RTN1: variants seen among roughly 807,000 people sequenced by gnomAD.
RTN1 encodes the protein reticulon 1.
Under a neutral mutation model 65.5 loss-of-function variants are expected in RTN1, and 25 were observed. The ratio of observed to expected loss-of-function variants is 0.38; its 90% confidence interval spans 0.28 to 0.53. The LOEUF is 0.53. RTN1 is among the 20% of genes least tolerant of loss of function. The pLI, the probability that RTN1 is intolerant of heterozygous loss-of-function variation, is 0.79. For synonymous variants in RTN1, 471 were observed against 447.6 expected, an observed-to-expected ratio of 1.05 and a Z score of -0.66; for missense variants, 983 against 1,025.4, an observed-to-expected ratio of 0.96 and a Z score of 0.57.
rs766153251 is a variant in RTN1 at position 59,607,519 on chromosome 14, C to T, written c.1766-27G>A. The T allele has an allele frequency of 1.9e-6, 3 of 1,571,274 alleles. No individual in the cohort carries two copies. The East Asian group carries it at 7.0e-5, about 37-fold the overall frequency. On this transcript the variant is annotated intron_variant, in intron 3 of 8. Transcript: ENST00000267484. ...TGCAGGAGACACCAAACACACCCAG[C>T]TGAGCTCCCGCAGTGCCGCCACATG... is the stretch of plus-strand genomic sequence containing the variant.
intron 1 of RTN1, among the ~76,000 whole-genome samples, chr14:59,861,765 GTTC>G (rs1887714364): frequency 6.6e-6 from 1 of 152,132 alleles, no homozygotes; most frequent in South Asian, 2.1e-4. Flanking sequence ...CTTCATGAAA[GTTC>G]TTCTAGTATT....
At chr14:59,660,604 T>C (rs1270541122) in intron 3 of RTN1, among the ~76,000 whole-genome samples, 3 of 152,092 alleles carry the variant, frequency 2.0e-5, no homozygotes, top group Non-Finnish European at 4.4e-5. Context: ...CACAACTACA[T>C]GGAAACTGAA....
intron 3 of RTN1, among the ~76,000 whole-genome samples, chr14:59,718,947 C>T (rs953303546): frequency 2.0e-5 from 3 of 152,128 alleles, no homozygotes; most frequent in African/African-American, 7.2e-5. Context: ...CCATCCATTC[C>T]TCTCATCTCC....
At chr14:59,707,913 T>TA (rs1308353994) in intron 3 of RTN1, among the ~76,000 whole-genome samples, 3 of 152,030 alleles carry the variant, frequency 2.0e-5, no homozygotes, top group Non-Finnish European at 4.4e-5. Flanking sequence ...CTACTGAAAC[T>TA]AAAAAAAGAT....
intron 3 of RTN1, among the ~76,000 whole-genome samples, chr14:59,635,697 T>C (rs1256962268): frequency 6.6e-6 from 1 of 152,018 alleles, no homozygotes; most frequent in East Asian, 1.9e-4. Flanking sequence ...TTGCATAAAC[T>C]AGAGAATTAA....
At chr14:59,602,825 C>T (rs530599532) in intron 8 of RTN1, among the ~76,000 whole-genome samples, 1 of 152,218 alleles carries the variant, frequency 6.6e-6, no homozygotes, top group South Asian at 2.1e-4. Context: ...ATCATGCATT[C>T]ATTAAAACTT....
At chr14:59,820,356 GTTTTTTTTT>G (rs34274539) in intron 1 of RTN1, among the ~76,000 whole-genome samples, 2 of 79,354 alleles carry the variant, frequency 2.5e-5, no homozygotes, top group African/African-American at 4.7e-5. Context: ...CTTATTGATA[GTTTTTTTTT>G]TTTTTTTTTT....
intron 1 of RTN1, among the ~76,000 whole-genome samples, chr14:59,805,322 T>C (rs1886617609): frequency 6.6e-6 from 1 of 152,232 alleles, no homozygotes; most frequent in Non-Finnish European, 1.5e-5. Flanking sequence ...GGACCTTTCC[T>C]TCTTCACTGC....
intron 1 of RTN1, among the ~76,000 whole-genome samples, chr14:59,767,666 G>A (rs1454478769): frequency 6.6e-6 from 1 of 152,186 alleles, no homozygotes; most frequent in Non-Finnish European, 1.5e-5. Flanking sequence ...TAGATAAGAT[G>A]CTCAGGCCTC....
At chr14:59,621,491 C>T (rs1331004379) in intron 3 of RTN1, among the ~76,000 whole-genome samples, 3 of 152,162 alleles carry the variant, frequency 2.0e-5, no homozygotes, top group Admixed American at 2.0e-4. Context: ...TGGTGATCAC[C>T]ATAGTCCTCA....
At chr14:59,628,244 A>G (rs1172122160) in intron 3 of RTN1, among the ~76,000 whole-genome samples, 1 of 152,218 alleles carries the variant, frequency 6.6e-6, no homozygotes, top group African/African-American at 2.4e-5. Flanking sequence ...TTTTCAAAAA[A>G]TACTGATGCT....
At position 59,745,951 on chromosome 14, in the gene RTN1, A is replaced by G. The variant is rs755732782; in HGVS notation, c.772T>C (p.Ser258Pro). The G allele has an allele frequency of 6.2e-7, 1 of 1,614,084 alleles. No individual in the cohort carries two copies. Among genetic ancestry groups the G allele is most frequent in the Non-Finnish European group, 8.5e-7 (1 of 1,180,008 alleles). The change falls in exon 2 of 9, where the codon TCC becomes CCC. Residue 258 changes from serine to proline, a missense_variant. By Grantham distance (74) the Ser-to-Pro change is moderately conservative. This residue lies in a region of RTN1 where 818 missense variants were observed against 801.8 expected (regional missense o/e 1.02). Coordinates refer to ENST00000267484, the MANE Select transcript of RTN1 (RefSeq NM_021136.3). ...TCATCTATGTATGGAGCAAATGTGGATTCTTCCAATAAATGGTCCTTGATG... is the reference window on the plus strand; with the variant it reads ...TCATCTATGTATGGAGCAAATGTGGGTTCTTCCAATAAATGGTCCTTGATG... ...KIIKDHLLEE[S>P]TFAPYIDDLS...
chr14:59,614,899 A>G (rs1882060431), intron 3 of RTN1, among the ~76,000 whole-genome samples: 1 of 152,252 alleles, frequency 6.6e-6, no homozygotes. Context: ...CTGAAGAAGC[A>G]GTTTTACATA....
At chr14:59,760,338 T>A (rs1333016929) in intron 1 of RTN1, among the ~76,000 whole-genome samples, 3 of 152,214 alleles carry the variant, frequency 2.0e-5, no homozygotes, top group African/African-American at 4.8e-5. Context: ...ATTGTTCATA[T>A]CTGCATAAAG....
intron 3 of RTN1, among the ~76,000 whole-genome samples, chr14:59,651,638 C>T (rs1300248014): frequency 3.3e-5 from 5 of 151,764 alleles, no homozygotes; most frequent in South Asian, 2.1e-4. Flanking sequence ...CTTGGGAGGT[C>T]GAGGCAGGAG....
chr14:59,723,873 C>T (rs946374953), intron 3 of RTN1, among the ~76,000 whole-genome samples: 1 of 152,150 alleles, frequency 6.6e-6, no homozygotes. Flanking sequence ...ACCATGATTT[C>T]CCAACAGGTG....
intron 1 of RTN1, among the ~76,000 whole-genome samples, chr14:59,853,957 T>C (rs1161179709): frequency 6.6e-6 from 1 of 150,514 alleles, no homozygotes; most frequent in Non-Finnish European, 1.5e-5. Flanking sequence ...CTCCGCCTCC[T>C]GGGTTCAAGC....
chr14:59,858,107 C>G (rs559585320), intron 1 of RTN1, among the ~76,000 whole-genome samples: 53 of 152,292 alleles, frequency 3.5e-4, no homozygotes, highest in Non-Finnish European at 6.8e-4. Context: ...GGGAGTTGGC[C>G]ATATCTCCCA....
chr14:59,599,980 T>C (rs1362326119), intron 8 of RTN1, among the ~76,000 whole-genome samples: 1 of 152,228 alleles, frequency 6.6e-6, no homozygotes, highest in African/African-American at 2.4e-5. Context: ...TTAAAGCAGA[T>C]TTCTTATTAT....
Sources: gnomAD v4.1 joint callset for allele counts (sites outside exome capture counted in the v4.1 genomes callset) on GRCh38, gnomAD v4.1.1 for gene constraint, gnomAD v4.1.1 regional missense constraint, MANE v1.5 for transcripts, NCBI Gene and HGNC (gene_info 2026-07-23, HGNC 2026-07-21) for gene names.